Variants in SYT9 observed in about 807,000 individuals in gnomAD.
SYT9 encodes the protein synaptotagmin 9.
In SYT9, 22 loss-of-function variants were observed where a neutral mutation model predicts 48.4. The observed-to-expected ratio is 0.45, with a 90% CI of 0.32 to 0.65. The LOEUF (loss-of-function observed/expected upper bound fraction) is 0.65. SYT9 is among the 30% of genes least tolerant of loss of function. SYT9 has a pLI of 0.03. For missense variants in SYT9, 577 were observed against 622.0 expected, an observed-to-expected ratio of 0.93 and a Z score of 0.77; for synonymous variants, 265 against 245.0, an observed-to-expected ratio of 1.08 and a Z score of -0.76.
chr11:7,268,950 C>A (rs181295631), intron 1 of SYT9, among the ~76,000 whole-genome samples: 1 of 152,236 alleles, frequency 6.6e-6, no homozygotes, highest in East Asian at 1.9e-4. Context: ...CTGTTCTAGA[C>A]ATTTCATATA....
intron 6 of SYT9, among the ~76,000 whole-genome samples, chr11:7,462,662 A>G (rs895272536): frequency 3.3e-5 from 5 of 152,236 alleles, no homozygotes; most frequent in Non-Finnish European, 7.3e-5. Flanking sequence ...TAAGCAATAA[A>G]TAGTCAACAA....
chr11:7,253,430 A>T (rs184208635), intron 1 of SYT9, among the ~76,000 whole-genome samples: 1 of 152,234 alleles, frequency 6.6e-6, no homozygotes, highest in South Asian at 2.1e-4. Flanking sequence ...TTTATCCAAA[A>T]GATAAATTAA....
chr11:7,437,749 C>T (rs1299566406), intron 6 of SYT9: 1 of 152,214 alleles, frequency 6.6e-6, no homozygotes, highest in Non-Finnish European at 1.5e-5. Context: ...GTTTGTGTTG[C>T]CACATTTGCA....
In SYT9 at chr11:7,252,973, C is replaced by T. The variant is rs187845933; in HGVS notation, c.145+642C>T. ...GGCGCTAGGCTCGACCAGCGACTACCGCCGGCCACGATGGGGTTCGTAGAC... is the reference window on the plus strand; with the variant it reads ...GGCGCTAGGCTCGACCAGCGACTACTGCCGGCCACGATGGGGTTCGTAGAC... On this transcript the variant is annotated intron_variant, in intron 1 of 6. Transcript: ENST00000318881. This position sits in a 1 kb window ranked among gnomAD's most constrained non-coding sequence, Gnocchi z 6.3. 2.1e-3 allele frequency among the ~76,000 whole-genome samples: 314 copies of T among 152,362 alleles called. 1 individual carries two copies. Among genetic ancestry groups the T allele is most frequent in the Middle Eastern group, 6.8e-3 (2 of 294 alleles).
At chr11:7,441,950 C>G (rs192644987) in intron 6 of SYT9, among the ~76,000 whole-genome samples, 6 of 152,120 alleles carry the variant, frequency 3.9e-5, no homozygotes, top group African/African-American at 9.7e-5. Flanking sequence ...GACTCTCCCC[C>G]ACAGGCACCC....
chr11:7,399,527 T>G (rs1423734961), intron 3 of SYT9, among the ~76,000 whole-genome samples: 1 of 152,240 alleles, frequency 6.6e-6, no homozygotes, highest in Non-Finnish European at 1.5e-5. Context: ...TTAAAAGATT[T>G]TTGGTAATAA....
At chr11:7,353,221 C>T (rs140279686) in intron 3 of SYT9, among the ~76,000 whole-genome samples, 6 of 152,168 alleles carry the variant, frequency 3.9e-5, no homozygotes, top group South Asian at 4.2e-4. Context: ...GCAAGAGGAA[C>T]GGGGTTTTTT....
At chr11:7,450,695 C>T (rs1848031085) in intron 6 of SYT9, among the ~76,000 whole-genome samples, 1 of 152,206 alleles carries the variant, frequency 6.6e-6, no homozygotes, top group Non-Finnish European at 1.5e-5. Flanking sequence ...GAAAGGCTTT[C>T]TCTCTTCATT....
At chr11:7,465,661 A>T (rs796229146) in intron 6 of SYT9, 8 of 153,228 alleles carry the variant, frequency 5.2e-5, no homozygotes, top group African/African-American at 1.9e-4. Flanking sequence ...CTCAGACCTC[A>T]TCTTTCCATC....
chr11:7,364,751 T>G (rs1850210333), intron 3 of SYT9, among the ~76,000 whole-genome samples: 1 of 152,206 alleles, frequency 6.6e-6, no homozygotes, highest in African/African-American at 2.4e-5. Flanking sequence ...CTAACCTGCC[T>G]GAGCAGAATT....
chr11:7,321,330 A>C (rs1464317678), intron 3 of SYT9, among the ~76,000 whole-genome samples: 1 of 152,096 alleles, frequency 6.6e-6, no homozygotes, highest in African/African-American at 2.4e-5. Flanking sequence ...GCCTGAGGCC[A>C]CTCGCAGACC....
chr11:7,322,165 T>G (rs989750286), intron 3 of SYT9, among the ~76,000 whole-genome samples: 6 of 152,174 alleles, frequency 3.9e-5, no homozygotes, highest in African/African-American at 1.4e-4. Flanking sequence ...CCAGCAGGGC[T>G]GATTTCAAGT....
intron 1 of SYT9, among the ~76,000 whole-genome samples, chr11:7,267,861 A>C (rs1452125199): frequency 6.6e-6 from 1 of 151,970 alleles, no homozygotes; most frequent in African/African-American, 2.4e-5. Flanking sequence ...CAAGGAAAAA[A>C]TGAGAAAACA....
At chr11:7,270,139 A>G (rs1364200882) in intron 1 of SYT9, among the ~76,000 whole-genome samples, 1 of 152,206 alleles carries the variant, frequency 6.6e-6, no homozygotes, top group Non-Finnish European at 1.5e-5. Context: ...ATTCTTTGGT[A>G]ACTCCTTAAA....
At chr11:7,458,732 G>C (rs7112583) in intron 6 of SYT9, among the ~76,000 whole-genome samples, 47,396 of 152,012 alleles carry the variant, frequency 0.31, 8,908 homozygotes, top group African/African-American at 0.51. Flanking sequence ...AGTGAGGAGA[G>C]TAATGTGGGG....
rs4408288 is a variant in SYT9, at chr11:7,468,209, C to T, written c.*1409C>T. 0.77 allele frequency: 308,450 copies of T among 398,434 alleles called. 119,611 individuals are homozygous for T. Among genetic ancestry groups the T allele is most frequent in the South Asian group, 0.85 (6,692 of 7,862 alleles). 24.7% of individuals were successfully genotyped at this position (398,434 alleles called of 1,614,324 possible). A position where few individuals can be genotyped will look rare whatever the true frequency, so the allele number is the denominator to read the frequency against. On this transcript the variant is annotated 3_prime_UTR_variant, in exon 7 of 7. Transcript: ENST00000318881. ...TACCTTCCTGGAAAGCTCATTATCT[C>T]TGTTTGAATTAACATTTCAGCATGG...
At chr11:7,365,784 T>C (rs1850229328) in intron 3 of SYT9, among the ~76,000 whole-genome samples, 1 of 152,234 alleles carries the variant, frequency 6.6e-6, no homozygotes, top group Non-Finnish European at 1.5e-5. Flanking sequence ...TTACCAAAAA[T>C]GACTTAAAAT....
At chr11:7,268,011 T>C (rs1589898977) in intron 1 of SYT9, among the ~76,000 whole-genome samples, 1 of 151,968 alleles carries the variant, frequency 6.6e-6, no homozygotes, top group African/African-American at 2.4e-5. Flanking sequence ...AGAGTGAGTA[T>C]AAAAATATTT....
chr11:7,387,263 C>T (rs1236556946), intron 3 of SYT9, among the ~76,000 whole-genome samples: 2 of 151,868 alleles, frequency 1.3e-5, no homozygotes, highest in African/African-American at 2.4e-5. Context: ...GCATATGTAA[C>T]TAACCTGCCC....
Sources: allele counts gnomAD v4.1 joint callset (sites outside exome capture counted in the v4.1 genomes callset), GRCh38; gene constraint gnomAD v4.1.1; non-coding constraint Gnocchi (gnomAD v3.1); transcripts MANE v1.5; gene names NCBI Gene and HGNC (gene_info 2026-07-23, HGNC 2026-07-21).